TRHDE: variants seen among roughly 807,000 people sequenced by gnomAD.
TRHDE encodes the protein thyrotropin-releasing hormone-degrading ectoenzyme.
Under a neutral mutation model 125.7 loss-of-function variants are expected in TRHDE, and 72 were observed. That is an observed-to-expected ratio of 0.57 (90% CI 0.47 to 0.70). The LOEUF (loss-of-function observed/expected upper bound fraction) is 0.70, where lower values mean the gene tolerates loss of function less well. Among genes scored for constraint, TRHDE ranks in the 30% least tolerant of loss-of-function variants. The pLI is 0.00. For synonymous variants in TRHDE, 509 were observed against 509.1 expected (o/e 1.00, Z 0.00); for missense variants, 1,110 against 1,327.1 (o/e 0.84, Z 2.54).
intron 2 of TRHDE, among the ~76,000 whole-genome samples, chr12:72,294,396 C>T (rs923473847): frequency 2.6e-5 from 4 of 151,912 alleles, no homozygotes; most frequent in African/African-American, 9.7e-5. Context: ...GCGGACAGCT[C>T]CTTTCCACAG....
At chr12:72,337,255 T>C (rs2135725909) in intron 2 of TRHDE, among the ~76,000 whole-genome samples, 1 of 152,276 alleles carries the variant, frequency 6.6e-6, no homozygotes, top group African/African-American at 2.4e-5. Context: ...CTTCTGCTCC[T>C]GTAGTTGTTC....
At chr12:72,575,451 CT>C (rs1302925129) in intron 11 of TRHDE, 35 bp from the exon 12 acceptor site, 4 of 1,613,112 alleles carry the variant, frequency 2.5e-6, no homozygotes, top group Non-Finnish European at 2.5e-6. Flanking sequence ...CATTTTAATC[CT>C]AAATTATCCT....
intron 17 of TRHDE, 148 bp downstream of exon 17, chr12:72,653,304 A>T (rs948620742): frequency 6.0e-6 from 3 of 496,128 alleles, no homozygotes; most frequent in Non-Finnish European, 1.0e-5. Flanking sequence ...CTCCCGTGGA[A>T]CTCCAAATTA....
intron 7 of TRHDE, among the ~76,000 whole-genome samples, chr12:72,542,943 A>G (rs538412683): frequency 6.6e-6 from 1 of 151,454 alleles, no homozygotes; most frequent in East Asian, 1.9e-4. Flanking sequence ...GAAAAGGAAG[A>G]TTATTAAACT....
chr12:72,414,735 A>G (rs550244585), intron 3 of TRHDE, among the ~76,000 whole-genome samples: 94 of 152,240 alleles, frequency 6.2e-4, no homozygotes, highest in African/African-American at 2.2e-3. Context: ...GGAATGTATT[A>G]ATTGATCTCT....
intron 2 of TRHDE, among the ~76,000 whole-genome samples, chr12:72,234,580 A>G (rs545443621): frequency 6.6e-6 from 1 of 152,352 alleles, no homozygotes; most frequent in East Asian, 1.9e-4. Context: ...AATAAAGTGA[A>G]GATAACACAG....
intron 15 of TRHDE, 52 bp from the exon 16 acceptor site, chr12:72,652,270 A>C: frequency 1.6e-6 from 2 of 1,282,608 alleles, no homozygotes; most frequent in Non-Finnish European, 1.0e-6. Context: ...CTTTATTTTC[A>C]ATACTGTTAA....
At chr12:72,553,904 A>G (rs564657850) in intron 7 of TRHDE, among the ~76,000 whole-genome samples, 2 of 148,068 alleles carry the variant, frequency 1.4e-5, no homozygotes, top group Non-Finnish European at 3.0e-5. Context: ...GCTGGAGTAC[A>G]ATGGTACAAC....
chr12:72,612,586 T>G (rs1051801886), intron 12 of TRHDE, among the ~76,000 whole-genome samples: 1 of 152,182 alleles, frequency 6.6e-6, no homozygotes, highest in Non-Finnish European at 1.5e-5. Flanking sequence ...TTTAGCTTCT[T>G]TCTCTCAAAA....
intron 6 of TRHDE, among the ~76,000 whole-genome samples, chr12:72,518,907 C>G (rs1461400440): frequency 6.6e-6 from 1 of 151,722 alleles, no homozygotes; most frequent in Non-Finnish European, 1.5e-5. Flanking sequence ...ACTTATGAAG[C>G]TTAGTTTGGC....
At chr12:72,107,545 C>T (rs1875216187) in intron 2 of TRHDE, among the ~76,000 whole-genome samples, 1 of 152,156 alleles carries the variant, frequency 6.6e-6, no homozygotes, top group Non-Finnish European at 1.5e-5. Flanking sequence ...AACTCTCTTT[C>T]TGAACTCTTT....
At chr12:72,400,515 C>A (rs1383489928) in intron 3 of TRHDE, among the ~76,000 whole-genome samples, 1 of 152,052 alleles carries the variant, frequency 6.6e-6, no homozygotes, top group Admixed American at 6.6e-5. Context: ...ACTGAGGGAG[C>A]TTTCATTTAT....
chr12:72,604,540 C>T (rs1872349336), intron 12 of TRHDE, among the ~76,000 whole-genome samples: 1 of 151,928 alleles, frequency 6.6e-6, no homozygotes, highest in Non-Finnish European at 1.5e-5. Context: ...CTTCTTGTAT[C>T]AGTGGTTCTC....
intron 5 of TRHDE, among the ~76,000 whole-genome samples, chr12:72,490,407 A>G (rs931045241): frequency 6.6e-6 from 1 of 151,840 alleles, no homozygotes; most frequent in African/African-American, 2.4e-5. Flanking sequence ...GGAAAATAGT[A>G]TGGAAGTTTC....
chr12:72,111,047 G>A (rs901978814), intron 2 of TRHDE, among the ~76,000 whole-genome samples: 1 of 152,090 alleles, frequency 6.6e-6, no homozygotes, highest in African/African-American at 2.4e-5. Context: ...AGTCAACTTC[G>A]CCAGTCGGTG....
At chr12:72,464,377 G>A (rs577219814) in intron 3 of TRHDE, among the ~76,000 whole-genome samples, 20 of 152,220 alleles carry the variant, frequency 1.3e-4, no homozygotes, top group African/African-American at 4.6e-4. Context: ...TACGGCACAG[G>A]CAGGTTTGAT....
At chr12:72,531,980 C>T (rs1237691770) in intron 6 of TRHDE, among the ~76,000 whole-genome samples, 1 of 152,030 alleles carries the variant, frequency 6.6e-6, no homozygotes. Context: ...AAGACAATTT[C>T]TGTGAAAAAG....
intron 1 of TRHDE, among the ~76,000 whole-genome samples, chr12:72,105,247 A>T (rs1026196908): frequency 2.0e-5 from 3 of 152,176 alleles, no homozygotes; most frequent in Non-Finnish European, 2.9e-5. Flanking sequence ...AACTCAGAGA[A>T]GGTGTGGGGC....
At position 72,195,094 on chromosome 12, in the gene TRHDE, G is replaced by A. The variant is rs544886799; in HGVS notation, n.279+89342G>A. Among the ~76,000 whole-genome samples the A allele has an allele frequency of 5.9e-5, 9 of 152,102 alleles. No homozygotes were observed. In the South Asian group the frequency reaches 8.3e-4, roughly 14 times the overall value. ...CAGGAAGGAGAAATGCCAAGCAAAC[G>A]GGGAAAAGCCCCTCATAAAACCATC... On this transcript the variant is annotated intron_variant and non_coding_transcript_variant, in intron 2 of 4. Transcript: ENST00000548156.
Sources: allele counts gnomAD v4.1 joint callset (sites outside exome capture counted in the v4.1 genomes callset), GRCh38; gene constraint gnomAD v4.1.1; transcripts MANE v1.5; gene names NCBI Gene and HGNC (gene_info 2026-07-23, HGNC 2026-07-21).